LNPEP: variants seen among roughly 807,000 people sequenced by gnomAD.
The protein encoded by LNPEP is leucyl-cystinyl aminopeptidase.
LNPEP carries 64 observed loss-of-function variants against 120.6 expected under a neutral mutation model. The ratio of observed to expected loss-of-function variants is 0.53; its 90% CI spans 0.43 to 0.65. The LOEUF (loss-of-function observed/expected upper bound fraction) is 0.65. LNPEP is among the 30% of genes least tolerant of loss of function. LNPEP has a pLI of 0.00. For synonymous variants in LNPEP, 435 were observed against 425.4 expected (o/e 1.02, Z -0.28); for missense variants, 1,057 against 1,200.0 (o/e 0.88, Z 1.76).
At chr5:96,941,263 T>C (rs1581970812) in intron 1 of LNPEP, among the ~76,000 whole-genome samples, 1 of 152,124 alleles carries the variant, frequency 6.6e-6, no homozygotes, top group Admixed American at 6.5e-5. Flanking sequence ...ATGCTAACGA[T>C]GGGGACTGAC....
chr5:96,983,919 G>A (rs1034743985), intron 2 of LNPEP, among the ~76,000 whole-genome samples: 3 of 152,118 alleles, frequency 2.0e-5, no homozygotes, highest in Non-Finnish European at 2.9e-5. Context: ...GTTTGGTATC[G>A]TGAAGCCAGA....
intron 13 of LNPEP, among the ~76,000 whole-genome samples, chr5:97,021,573 A>T (rs1234022055): frequency 6.6e-6 from 1 of 152,230 alleles, no homozygotes; most frequent in African/African-American, 2.4e-5. Context: ...ATAGGTTTAT[A>T]GATTGTAAAG....
At chr5:96,948,187 G>A (rs865994144) in intron 1 of LNPEP, among the ~76,000 whole-genome samples, 8 of 150,552 alleles carry the variant, frequency 5.3e-5, no homozygotes, top group East Asian at 1.9e-4. Context: ...GCACGATCTC[G>A]GCTCACTGCA....
At chr5:97,014,850 C>T in intron 12 of LNPEP, 89 bp from the exon 13 acceptor site, 4 of 944,750 alleles carry the variant, frequency 4.2e-6, no homozygotes, top group Non-Finnish European at 5.8e-6. Flanking sequence ...CCAAGACTCA[C>T]CATCTAACCC....
chr5:96,954,598 GTCTC>G lies in LNPEP; in HGVS notation c.19+18442_19+18445del, dbSNP rs66769873. ...TTCCTCATTCTTCTCATTCTTGCAA[GTCTC>G]TCTCTCTCTCTCTCTCTATATATAT... is the stretch of plus-strand genomic sequence containing the variant. On this transcript the variant is annotated intron_variant, in intron 1 of 17. Transcript: ENST00000231368. Among the ~76,000 whole-genome samples, 226 of 106,350 alleles carry G rather than the reference GTCTC, an allele frequency of 2.1e-3. 9 individuals are homozygous for G. The highest frequency in any genetic ancestry group is 2.6e-3 in the Non-Finnish European group (128 of 49,730). 69.8% of individuals were successfully genotyped at this position (106,350 alleles called of 152,430 possible). A position where few individuals can be genotyped will look rare whatever the true frequency, so the allele number is the denominator to read the frequency against.
chr5:96,943,673 A>T (rs533608035), intron 1 of LNPEP, among the ~76,000 whole-genome samples: 3 of 152,312 alleles, frequency 2.0e-5, no homozygotes, highest in South Asian at 2.1e-4. Flanking sequence ...TAATTTTTTT[A>T]AAATTCCATC....
intron 1 of LNPEP, among the ~76,000 whole-genome samples, chr5:96,973,681 C>T (rs1343394675): frequency 1.3e-5 from 2 of 152,092 alleles, no homozygotes; most frequent in Non-Finnish European, 2.9e-5. Context: ...GGGACTTGAG[C>T]ATTTCTGGAT....
At chr5:96,997,037 A>C (rs1311834341) in intron 7 of LNPEP, among the ~76,000 whole-genome samples, 2 of 152,064 alleles carry the variant, frequency 1.3e-5, no homozygotes, top group Non-Finnish European at 2.9e-5. Context: ...TCCAAAGACA[A>C]GGAATACCGT....
chr5:96,938,116 G>T (rs560629161), intron 1 of LNPEP, among the ~76,000 whole-genome samples: 1 of 152,108 alleles, frequency 6.6e-6, no homozygotes, highest in Non-Finnish European at 1.5e-5. Flanking sequence ...AGATGGACAG[G>T]GTATTTATTT....
At chr5:96,991,285 A>G (rs1790383481) in intron 4 of LNPEP, among the ~76,000 whole-genome samples, 1 of 152,154 alleles carries the variant, frequency 6.6e-6, no homozygotes, top group Non-Finnish European at 1.5e-5. Flanking sequence ...GTATGTATAT[A>G]TATCACAATT....
chr5:96,958,621 G>A lies in LNPEP; in HGVS notation c.20-20517G>A, dbSNP rs192187335. On this transcript the variant is annotated intron_variant, in intron 1 of 17. Coordinates refer to ENST00000231368, the MANE Select transcript of LNPEP (RefSeq NM_005575.3). ...TATTGGCAGGTCAGAAGCCTGATAC[G>A]GATCTCATTGGGCTAAAACGAAGGA... 33 of 376,632 alleles carry A rather than the reference G, an allele frequency of 8.8e-5. No individual in the cohort carries two copies. In the East Asian group the frequency reaches 1.2e-3, roughly 13 times the overall value. 23.3% of individuals were successfully genotyped at this position (376,632 alleles called of 1,614,324 possible).
intron 1 of LNPEP, among the ~76,000 whole-genome samples, chr5:96,969,008 A>C (rs1241180794): frequency 6.6e-6 from 1 of 152,100 alleles, no homozygotes. Context: ...TGTTTCACAT[A>C]GCTGTGACCT....
intron 1 of LNPEP, among the ~76,000 whole-genome samples, chr5:96,957,384 C>T (rs1789494816): frequency 6.6e-6 from 1 of 152,154 alleles, no homozygotes; most frequent in Admixed American, 6.6e-5. Flanking sequence ...CAAAGATGTC[C>T]ATTTCCTAAT....
At chr5:96,978,224 G>A (rs1790045817) in intron 1 of LNPEP, among the ~76,000 whole-genome samples, 2 of 151,718 alleles carry the variant, frequency 1.3e-5, no homozygotes, top group African/African-American at 4.8e-5. Flanking sequence ...GGGGATTATC[G>A]ACCCTTCTAC....
Position 97,031,127 on chromosome 5 carries a change from T to C in LNPEP, c.*2594T>C, listed in dbSNP as rs2112681199. On this transcript the variant is annotated 3_prime_UTR_variant, in exon 18 of 18. Coordinates refer to ENST00000231368, the MANE Select transcript of LNPEP (RefSeq NM_005575.3). ...GACACAAGTACTTGTTGAACAAGTG[T>C]TCTCATTGCAGAGAGATCTACTTGA... 6.6e-6 allele frequency: 1 copy of C among 151,518 alleles called. No individual in the cohort carries two copies. Among genetic ancestry groups the C allele is most frequent in the South Asian group, 2.1e-4 (1 of 4,752 alleles). The allele number at this position is 151,518 out of a possible 1,614,324, so 9.4% of individuals were successfully genotyped here. A position where few individuals can be genotyped will look rare whatever the true frequency, so the allele number is the denominator to read the frequency against.
At chr5:96,962,711 CT>C (rs1789634567) in intron 1 of LNPEP, 1 of 148,668 alleles carries the variant, frequency 6.7e-6, no homozygotes, top group Non-Finnish European at 1.5e-5. Context: ...AAGCCTGTAA[CT>C]GGTTGTGATC....
chr5:97,003,738 G>C (rs1325559704), intron 9 of LNPEP, among the ~76,000 whole-genome samples, 192 bp downstream of exon 9: 2 of 150,724 alleles, frequency 1.3e-5, no homozygotes, highest in Non-Finnish European at 2.9e-5. Flanking sequence ...TGGGAGTGCT[G>C]TTCTTAGTTG....
rs1788855220 is a variant in LNPEP, at chr5:96,936,126, C to T, written c.-30C>T. ...TCTCGGAGTAGGAAGCTCGGGCGCTCCGGCTGTAAGGAGCCGCGGCGGGGG... is the reference window on the plus strand; with the variant it reads ...TCTCGGAGTAGGAAGCTCGGGCGCTTCGGCTGTAAGGAGCCGCGGCGGGGG... On this transcript the variant is annotated 5_prime_UTR_variant, in exon 1 of 18. Coordinates refer to ENST00000231368, the MANE Select transcript of LNPEP (RefSeq NM_005575.3). 2.0e-6 allele frequency: 3 copies of T among 1,513,902 alleles called. No individual in the cohort carries two copies. Among genetic ancestry groups the T allele is most frequent in the African/African-American group, 1.4e-5 (1 of 69,254 alleles). The allele number at this position is 1,513,902 out of a possible 1,614,324, so 93.8% of individuals were successfully genotyped here.
At position 97,006,488 on chromosome 5, in the gene LNPEP, T is replaced by C. The variant is rs1790788318; in HGVS notation, c.2008T>C (p.Ser670Pro). 3 of 1,560,696 alleles carry C rather than the reference T, an allele frequency of 1.9e-6. No individual in the cohort carries two copies. The African/African-American group carries it at 4.1e-5, about 21-fold the overall frequency. ...AGGAAGAAATTATTCAAAATATCAA[T>C]CGGTATCATTACTGGATAAGAAATC... The part of the protein sequence containing the change: ...TEGRNYSKYQ[S>P]VSLLDKKSGV... The change falls in exon 11 of 18, where the codon TCG becomes CCG. Residue 670 changes from serine (S) to proline (P), a missense_variant. Ser to Pro is a moderately conservative substitution (Grantham distance 74). Coordinates refer to ENST00000231368, the MANE Select transcript of LNPEP (RefSeq NM_005575.3).
Sources: allele counts gnomAD v4.1 joint callset (sites outside exome capture counted in the v4.1 genomes callset), GRCh38; gene constraint gnomAD v4.1.1; transcripts MANE v1.5; gene names NCBI Gene and HGNC (gene_info 2026-07-23, HGNC 2026-07-21).